The following SCML2 variants were observed in gnomAD, a reference collection of about 807,000 sequenced individuals.
The protein encoded by SCML2 is Scm polycomb group protein like 2, also known as sex comb on midleg-like protein 2.
In SCML2, 6 loss-of-function variants were observed where a neutral mutation model predicts 48.4. The ratio of observed to expected loss-of-function variants is 0.12; its 90% CI spans 0.07 to 0.24. SCML2 has a LOEUF of 0.24. SCML2 is among the 10% of genes least tolerant of loss of function. The probability of loss-of-function intolerance (pLI) is 1.00; values close to 1 mark genes in which losing one functional copy is unlikely to be tolerated. For synonymous variants in SCML2, 181 were observed against 189.5 expected (o/e 0.95, Z 0.37); for missense variants, 377 against 528.2 (o/e 0.71, Z 2.81).
intron 11 of SCML2, among the ~76,000 whole-genome samples, chrX:18,249,027 T>C (rs898182440): frequency 1.8e-5 from 2 of 111,564 alleles, no homozygotes; most frequent in African/African-American, 6.5e-5. Context: ...CCTACAGAGA[T>C]AACTAGGAAA....
At chrX:18,324,755 T>G in intron 4 of SCML2, 152 bp downstream of exon 4, 1 of 420,023 alleles carries the variant, frequency 2.4e-6, no homozygotes, top group South Asian at 5.7e-5. Flanking sequence ...ATAGAGTAAG[T>G]TCTTAATGAA....
intron 2 of SCML2, among the ~76,000 whole-genome samples, chrX:18,332,685 G>A (rs1929693917): frequency 8.9e-6 from 1 of 111,924 alleles, no homozygotes; most frequent in Non-Finnish European, 1.9e-5. Context: ...CACAAAAAGA[G>A]ATAACTAGGT....
chrX:18,308,228 C>A (rs1439874743), intron 6 of SCML2, among the ~76,000 whole-genome samples: 1 of 100,300 alleles, frequency 1.0e-5, no homozygotes, highest in East Asian at 3.1e-4. Context: ...CCACTGCACT[C>A]CAGCCTGGGC....
chrX:18,330,123 C>T (rs1159847379), intron 3 of SCML2, among the ~76,000 whole-genome samples: 3 of 111,241 alleles, frequency 2.7e-5, no homozygotes, highest in African/African-American at 9.8e-5. Flanking sequence ...GAGTAATGTG[C>T]CCAAGGTCAC....
intron 7 of SCML2, among the ~76,000 whole-genome samples, chrX:18,269,659 G>A (rs1450052010): frequency 8.9e-6 from 1 of 111,776 alleles, no homozygotes; most frequent in Non-Finnish European, 1.9e-5. Flanking sequence ...GAATAATTGA[G>A]CTCCAGATCT....
chrX:18,330,096 AAC>A (rs1490779487), intron 3 of SCML2, among the ~76,000 whole-genome samples: 1 of 111,353 alleles, frequency 9.0e-6, no homozygotes, highest in East Asian at 2.8e-4. Flanking sequence ...AAGAAGAAAA[AAC>A]GTCTAAGAGC....
intron 8 of SCML2, 150 bp downstream of exon 8, chrX:18,265,435 A>ATAGTTATG (rs1927223122): frequency 2.1e-6 from 1 of 465,613 alleles, no homozygotes; most frequent in African/African-American, 2.4e-5. Context: ...CAATCTATCG[A>ATAGTTATG]TAGTTATGTG....
chrX:18,288,523 T>C (rs1260183430), intron 7 of SCML2, among the ~76,000 whole-genome samples: 1 of 111,604 alleles, frequency 9.0e-6, no homozygotes, highest in Non-Finnish European at 1.9e-5. Flanking sequence ...TAGAAGTGAC[T>C]ATTCAAATAA....
intron 11 of SCML2, among the ~76,000 whole-genome samples, chrX:18,253,907 G>T (rs968111876): frequency 6.3e-5 from 7 of 111,894 alleles, no homozygotes; most frequent in Middle Eastern, 4.2e-3. Context: ...AGGCACAAGA[G>T]TAAATGCTGT....
In SCML2 at chrX:18,305,126, C is replaced by T. The variant is rs1160126752; in HGVS notation, c.576G>A (p.Ala192=). The change falls in exon 7 of 15, where the codon GCG becomes GCA. Residue 192 remains alanine, a synonymous_variant. Coordinates refer to ENST00000251900, the MANE Select transcript of SCML2 (RefSeq NM_006089.3). ...DKKNPYLICP[A]TIGDVKGDEV... ...CATCCCCTTTAACATCTCCAATGGTCGCAGGACAGATGAGATACGGGTTCT... is the reference window on the plus strand; with the variant it reads ...CATCCCCTTTAACATCTCCAATGGTTGCAGGACAGATGAGATACGGGTTCT... 7.4e-6 allele frequency: 9 copies of T among 1,208,291 alleles called. No homozygotes were observed. The Admixed American group carries it at 1.3e-4, about 18-fold the overall frequency.
intron 7 of SCML2, among the ~76,000 whole-genome samples, chrX:18,279,166 G>C (rs768123431): frequency 2.0e-4 from 23 of 112,860 alleles, no homozygotes; most frequent in Non-Finnish European, 3.4e-4. Flanking sequence ...CTGTGGACAC[G>C]AGGAAGTACA....
intron 3 of SCML2, among the ~76,000 whole-genome samples, chrX:18,325,417 GCAGT>G (rs980416208): frequency 8.9e-6 from 1 of 111,801 alleles, no homozygotes; most frequent in East Asian, 2.8e-4. Flanking sequence ...GGTTTAGTGT[GCAGT>G]CAAACAGAAT....
At chrX:18,342,895 T>C (rs1383346932) in intron 1 of SCML2, among the ~76,000 whole-genome samples, 1 of 111,439 alleles carries the variant, frequency 9.0e-6, no homozygotes, top group Non-Finnish European at 1.9e-5. Context: ...TAAACCATTT[T>C]CTCAACACAA....
chrX:18,316,447 A>T (rs958532954), intron 6 of SCML2, among the ~76,000 whole-genome samples: 3 of 112,021 alleles, frequency 2.7e-5, no homozygotes, highest in African/African-American at 9.7e-5. Flanking sequence ...GAAAAACAAA[A>T]GGCCATTAAA....
chrX:18,328,762 T>C (rs1411611317), intron 3 of SCML2, among the ~76,000 whole-genome samples: 2 of 112,224 alleles, frequency 1.8e-5, no homozygotes, highest in African/African-American at 6.5e-5. Context: ...TGCCAGGCAC[T>C]GTCCTAGGTA....
intron 7 of SCML2, among the ~76,000 whole-genome samples, chrX:18,290,602 T>C (rs1928201877): frequency 9.0e-6 from 1 of 111,645 alleles, no homozygotes; most frequent in South Asian, 3.7e-4. Flanking sequence ...CATCCCATAA[T>C]AATGAAAGCA....
intron 13 of SCML2, among the ~76,000 whole-genome samples, chrX:18,246,168 C>T (rs1403938115): frequency 8.9e-6 from 1 of 112,074 alleles, no homozygotes; most frequent in East Asian, 2.8e-4. Context: ...GATGCCAGCC[C>T]GAATCCAGGA....
At chrX:18,245,323 A>G (rs1926403635) in intron 13 of SCML2, among the ~76,000 whole-genome samples, 1 of 112,276 alleles carries the variant, frequency 8.9e-6, no homozygotes, top group South Asian at 3.7e-4. Context: ...CATACATTTC[A>G]AAGTGAGATA....
chrX:18,314,418 A>C (rs1400751742), intron 6 of SCML2, among the ~76,000 whole-genome samples: 3 of 111,512 alleles, frequency 2.7e-5, no homozygotes, highest in African/African-American at 9.8e-5. Context: ...AGCTCATTTA[A>C]GCTCAAAGCT....
Sources: gnomAD v4.1 joint callset for allele counts (sites outside exome capture counted in the v4.1 genomes callset) on GRCh38, gnomAD v4.1.1 for gene constraint, MANE v1.5 for transcripts, NCBI Gene and HGNC (gene_info 2026-07-23, HGNC 2026-07-21) for gene names.